The following PHC2 variants were observed in gnomAD, a reference collection of about 807,000 sequenced individuals.
The protein encoded by PHC2 is polyhomeotic-like protein 2.
PHC2 carries 29 observed loss-of-function variants against 87.4 expected under a neutral mutation model. The ratio of observed to expected loss-of-function variants is 0.33; its 90% CI spans 0.25 to 0.45. The LOEUF is 0.45. PHC2 is among the 20% of genes least tolerant of loss of function. PHC2 has a pLI of 1.00. For synonymous variants in PHC2, 438 were observed against 461.7 expected, an observed-to-expected ratio of 0.95 and a Z score of 0.66; for missense variants, 857 against 1,136.7, an observed-to-expected ratio of 0.75 and a Z score of 3.54.
intron 1 of PHC2, among the ~76,000 whole-genome samples, chr1:33,379,381 TC>T (rs1281356509): frequency 5.9e-5 from 2 of 33,640 alleles, no homozygotes; most frequent in African/African-American, 2.6e-4. Context: ...GTCCCCCCCT[TC>T]CCCCCGGTCT....
In PHC2 at chr1:33,341,462, T is replaced by C. The variant is rs142462758; in HGVS notation, c.1559-7170A>G. ...TTGGGTTGGGAAGCACAGGATGATC[T>C]AGATGAGTGATTCCCAAATTGGGAT... is the stretch of plus-strand genomic sequence containing the variant. On this transcript the variant is annotated intron_variant, in intron 9 of 14. Coordinates refer to ENST00000683057, the MANE Select transcript of PHC2 (RefSeq NM_001385109.1). Among the ~76,000 whole-genome samples, 738 of 152,328 alleles carry C rather than the reference T, an allele frequency of 4.8e-3. 2 individuals are homozygous for C. Among genetic ancestry groups the C allele is most frequent in the Middle Eastern group, 0.014 (4 of 294 alleles).
intron 9 of PHC2, among the ~76,000 whole-genome samples, chr1:33,341,368 C>T (rs1485849420): frequency 6.6e-6 from 1 of 152,182 alleles, no homozygotes; most frequent in Non-Finnish European, 1.5e-5. Context: ...GAAAAGAGGA[C>T]AAGACATGTA....
intron 1 of PHC2, among the ~76,000 whole-genome samples, chr1:33,402,399 A>T (rs1197420284): frequency 6.6e-6 from 1 of 152,194 alleles, no homozygotes; most frequent in Non-Finnish European, 1.5e-5. Flanking sequence ...AGAGTTGAAC[A>T]TACCCATATG....
intron 1 of PHC2, among the ~76,000 whole-genome samples, chr1:33,426,512 T>C (rs927156801): frequency 3.9e-5 from 6 of 152,218 alleles, no homozygotes; most frequent in Admixed American, 1.3e-4. Flanking sequence ...GAACTTGTGT[T>C]GTATTTAAAC....
chr1:33,391,078 T>C (rs1649031554), intron 1 of PHC2, among the ~76,000 whole-genome samples: 1 of 152,188 alleles, frequency 6.6e-6, no homozygotes, highest in Non-Finnish European at 1.5e-5. Flanking sequence ...AGTGAGGTCT[T>C]ATTAAAAATG....
rs1647300226 is a variant in PHC2, at chr1:33,364,215, T to G, written c.976+2901A>C. Among the ~76,000 whole-genome samples, 3 of 151,990 alleles carry G rather than the reference T, an allele frequency of 2.0e-5. No homozygotes were observed. The South Asian group carries it at 6.2e-4, about 31-fold the overall frequency. On this transcript the variant is annotated intron_variant, in intron 7 of 14. Transcript: ENST00000683057. This position sits in a 1 kb window ranked among gnomAD's most constrained non-coding sequence, Gnocchi z 4.1. ...AGGAAACAGCCCCCAGGAGAACACA[T>G]TCCTCACTGCCATACCCCCTCCTAC...
Position 33,367,435 on chromosome 1 carries a change from AAG to A in PHC2, c.664-9_664-8del. 5 of 1,544,568 alleles carry A rather than the reference AAG, an allele frequency of 3.2e-6. No individual in the cohort carries two copies. The highest frequency in any genetic ancestry group is 2.7e-5 in the African/African-American group (2 of 73,176). Reference sequence around the variant, plus strand: ...GGAGGGTCAAGTTCTGTACCTGGAAAAGAGGGGTCTGTGGGAGTCCAGAGAAT... The same window carrying A: ...GGAGGGTCAAGTTCTGTACCTGGAAAAGGGGTCTGTGGGAGTCCAGAGAAT... On this transcript the variant is annotated splice_polypyrimidine_tract_variant and splice_region_variant and intron_variant, in intron 6 of 14. Coordinates refer to ENST00000683057, the MANE Select transcript of PHC2 (RefSeq NM_001385109.1).
At chr1:33,376,817 T>A (rs1648209227) in intron 1 of PHC2, among the ~76,000 whole-genome samples, 1 of 152,176 alleles carries the variant, frequency 6.6e-6, no homozygotes, top group African/African-American at 2.4e-5. Flanking sequence ...TGGTCCCAGC[T>A]ACCTGGGAGG....
chr1:33,415,953 C>T (rs1174955384), intron 1 of PHC2, among the ~76,000 whole-genome samples: 1 of 151,844 alleles, frequency 6.6e-6, no homozygotes, highest in African/African-American at 2.4e-5. Flanking sequence ...TAGAAATTAC[C>T]CAAAATGAGG....
intron 1 of PHC2, among the ~76,000 whole-genome samples, chr1:33,419,168 T>C (rs116054790): frequency 3.7e-4 from 57 of 152,362 alleles, no homozygotes; most frequent in African/African-American, 1.3e-3. Context: ...AAAGACTACA[T>C]ACATGTTTGC....
In PHC2 at chr1:33,354,490, G is replaced by A. The variant is rs771832823; in HGVS notation, c.1469C>T (p.Pro490Leu). The A allele has an allele frequency of 1.2e-6, 2 of 1,614,146 alleles. No individual in the cohort carries two copies. Among genetic ancestry groups the A allele is most frequent in the East Asian group, 4.5e-5 (2 of 44,882 alleles). Residue 490 changes from proline to leucine, a missense_variant, in exon 9 of 15, where the codon CCA becomes CTA. Physicochemically the swap from Pro to Leu is moderately conservative, Grantham distance 98. Around this residue, in one of 3 missense-constraint regions of PHC2, gnomAD observed 832 missense variants for 1,081.8 expected, o/e 0.77. Transcript: ENST00000683057. Reference protein sequence around the residue: ...EKSVPETRSGPSPHQQAIVTA... With the variant: ...EKSVPETRSGLSPHQQAIVTA... ...GACAATAGCCTGCTGATGTGGTGAT[G>A]GGCCAGACCGCGTCTCAGGCACACT...
chr1:33,388,882 G>A (rs1648905833), intron 1 of PHC2, among the ~76,000 whole-genome samples: 1 of 152,038 alleles, frequency 6.6e-6, no homozygotes, highest in African/African-American at 2.4e-5. Flanking sequence ...TCTGAATCTG[G>A]AGCTCATGTC....
At chr1:33,340,156 T>C (rs1295232539) in intron 9 of PHC2, among the ~76,000 whole-genome samples, 1 of 152,242 alleles carries the variant, frequency 6.6e-6, no homozygotes, top group African/African-American at 2.4e-5. Flanking sequence ...AAAAGACTTC[T>C]ATTTACTGTT....
chr1:33,414,684 C>T (rs1436360924), intron 1 of PHC2, among the ~76,000 whole-genome samples: 3 of 152,158 alleles, frequency 2.0e-5, no homozygotes, highest in Admixed American at 6.5e-5. Context: ...CAATGAATTA[C>T]TCTCTAATTG....
chr1:33,336,691 G>A, intron 9 of PHC2: 1 of 152,362 alleles, frequency 6.6e-6, no homozygotes, highest in Non-Finnish European at 1.5e-5. Flanking sequence ...TTGACTGAGG[G>A]ACGGCCCTCC....
At chr1:33,345,668 G>A in intron 9 of PHC2, 1 of 984,588 alleles carries the variant, frequency 1.0e-6, no homozygotes, top group Non-Finnish European at 1.2e-6. Flanking sequence ...TGATAAAAGA[G>A]CCCATTTCTT....
At chr1:33,327,447 A>T (rs1646395816) in intron 14 of PHC2, among the ~76,000 whole-genome samples, 1 of 152,140 alleles carries the variant, frequency 6.6e-6, no homozygotes, top group South Asian at 2.1e-4. Flanking sequence ...GAAGGAACAC[A>T]AATTTCTGGG....
At chr1:33,341,715 C>T (rs1391656154) in intron 9 of PHC2, among the ~76,000 whole-genome samples, 3 of 152,214 alleles carry the variant, frequency 2.0e-5, no homozygotes, top group Non-Finnish European at 4.4e-5. Context: ...ATTACGTGTG[C>T]GTCTCAAGTA....
chr1:33,394,455 A>G (rs1649214178), intron 1 of PHC2, among the ~76,000 whole-genome samples: 1 of 152,258 alleles, frequency 6.6e-6, no homozygotes. Context: ...CCAGCTGCAA[A>G]TCAGAACCAC....
Sources: allele counts gnomAD v4.1 joint callset (sites outside exome capture counted in the v4.1 genomes callset), GRCh38; gene constraint gnomAD v4.1.1; regional missense constraint gnomAD v4.1.1; non-coding constraint Gnocchi (gnomAD v3.1); transcripts MANE v1.5; gene names NCBI Gene and HGNC (gene_info 2026-07-23, HGNC 2026-07-21).